Variants in DIPK1A observed in about 807,000 individuals in gnomAD.
DIPK1A encodes the protein divergent protein kinase domain 1A.
In DIPK1A, 27 loss-of-function variants were observed where a neutral mutation model predicts 40.8. The ratio of observed to expected loss-of-function variants is 0.66; its 90% CI spans 0.49 to 0.91. The LOEUF (loss-of-function observed/expected upper bound fraction) is 0.91. Ranked by LOEUF, DIPK1A falls within the 40% of genes least tolerant of loss-of-function variation. The probability of loss-of-function intolerance (pLI) is 0.00; values close to 1 mark genes in which losing one functional copy is unlikely to be tolerated. For missense variants in DIPK1A, 412 were observed against 505.7 expected (o/e 0.81, Z 1.78); for synonymous variants, 166 against 171.3 (o/e 0.97, Z 0.24).
intron 1 of DIPK1A, chr1:92,931,998 A>C (rs1437161052): frequency 2.0e-6 from 1 of 510,978 alleles, no homozygotes; most frequent in South Asian, 1.7e-5. Flanking sequence ...ACATATTTGC[A>C]ATAAAATCTT....
intron 1 of DIPK1A, among the ~76,000 whole-genome samples, chr1:92,948,796 T>C (rs1651505498): frequency 1.4e-5 from 2 of 146,564 alleles, no homozygotes; most frequent in South Asian, 2.1e-4. Context: ...TATATGTGTG[T>C]GTATATATAT....
Position 92,876,594 on chromosome 1 carries a change from C to T in DIPK1A, c.55-164G>A, listed in dbSNP as rs1338686586. ...GCACTTTCACTGAGTCCAAACAGCA[C>T]TGGTCTTAGAAAAGGAAGCTCCTTG... On this transcript the variant is annotated intron_variant, in intron 1 of 4. Coordinates refer to ENST00000370310, the MANE Select transcript of DIPK1A (RefSeq NM_001006605.5). 9.1e-6 allele frequency: 6 copies of T among 658,824 alleles called. No homozygotes were observed. The African/African-American group carries it at 1.1e-4, about 12-fold the overall frequency. 40.8% of individuals were successfully genotyped at this position (658,824 alleles called of 1,614,324 possible).
chr1:92,916,603 A>G (rs888415949), intron 1 of DIPK1A, among the ~76,000 whole-genome samples: 4 of 152,024 alleles, frequency 2.6e-5, no homozygotes, highest in African/African-American at 9.7e-5. Context: ...CACCCGGCCA[A>G]TCCATCTTTT....
intron 1 of DIPK1A, among the ~76,000 whole-genome samples, chr1:92,935,965 AC>A (rs1298248764): frequency 6.6e-6 from 1 of 152,068 alleles, no homozygotes; most frequent in Non-Finnish European, 1.5e-5. Context: ...GGTGGCTGGA[AC>A]AGCTACTCAG....
At chr1:92,925,737 A>C (rs1159368919) in intron 1 of DIPK1A, among the ~76,000 whole-genome samples, 1 of 151,694 alleles carries the variant, frequency 6.6e-6, no homozygotes, top group African/African-American at 2.4e-5. Context: ...CTTGTGATCC[A>C]CCCTCCTCAG....
At chr1:92,841,705 A>C, downstream of DIPK1A, 2 of 1,037,380 alleles carry the variant, frequency 1.9e-6, no homozygotes, top group South Asian at 4.0e-5. Flanking sequence ...TAAAATTTTA[A>C]ATTAAATATT....
chr1:92,841,999 G>GC, downstream of DIPK1A: 1 of 840,328 alleles, frequency 1.2e-6, no homozygotes, highest in Middle Eastern at 3.7e-4. Context: ...CAAAGGAGTT[G>GC]ACAGGTTTTT....
At chr1:92,852,514 A>C (rs1452828505) in intron 2 of DIPK1A, among the ~76,000 whole-genome samples, 1 of 152,128 alleles carries the variant, frequency 6.6e-6, no homozygotes, top group Non-Finnish European at 1.5e-5. Flanking sequence ...AAAAAAGAAA[A>C]AAATTTCTAG....
At chr1:92,860,028 T>C (rs191692246) in intron 2 of DIPK1A, among the ~76,000 whole-genome samples, 79 of 152,256 alleles carry the variant, frequency 5.2e-4, no homozygotes, top group African/African-American at 1.7e-3. Flanking sequence ...GCATGATAAA[T>C]GGATGGATAA....
chr1:92,920,885 AT>A (rs1650243675), intron 1 of DIPK1A, among the ~76,000 whole-genome samples: 1 of 152,186 alleles, frequency 6.6e-6, no homozygotes, highest in African/African-American at 2.4e-5. Context: ...GTATCAGAGC[AT>A]GGGGGTGGCA....
At chr1:92,874,704 T>A (rs1557464049) in intron 2 of DIPK1A, among the ~76,000 whole-genome samples, 1 of 152,140 alleles carries the variant, frequency 6.6e-6, no homozygotes, top group African/African-American at 2.4e-5. Flanking sequence ...TTTTGTGGGG[T>A]TTTATTAGCT....
At chr1:92,955,056 A>C (rs1651795030) in intron 1 of DIPK1A, among the ~76,000 whole-genome samples, 1 of 152,250 alleles carries the variant, frequency 6.6e-6, no homozygotes, top group African/African-American at 2.4e-5. Flanking sequence ...ACGTAAATGC[A>C]TATTACTAAG....
intron 4 of DIPK1A, among the ~76,000 whole-genome samples, chr1:92,846,811 A>ATG (rs1450992855): frequency 3.1e-4 from 1 of 3,200 alleles, no homozygotes; most frequent in East Asian, 0.083. Flanking sequence ...ATATATATAT[A>ATG]TATATATATA....
At chr1:92,941,268 G>C (rs1651141304) in intron 1 of DIPK1A, among the ~76,000 whole-genome samples, 1 of 152,140 alleles carries the variant, frequency 6.6e-6, no homozygotes, top group African/African-American at 2.4e-5. Flanking sequence ...ATAACTTTAA[G>C]TGGTGAGAAA....
At chr1:92,838,237 GAC>G (rs1353866227), downstream of DIPK1A, among the ~76,000 whole-genome samples, 1 of 152,192 alleles carries the variant, frequency 6.6e-6, no homozygotes, top group African/African-American at 2.4e-5. Flanking sequence ...CTATGCTTTG[GAC>G]ACAGTGTAAA....
At chr1:92,853,313 C>A (rs1222760183) in intron 2 of DIPK1A, among the ~76,000 whole-genome samples, 1 of 152,164 alleles carries the variant, frequency 6.6e-6, no homozygotes, top group African/African-American at 2.4e-5. Context: ...AAAGGACATA[C>A]AATGAATGTC....
At chr1:92,863,889 T>C (rs1332675643) in intron 2 of DIPK1A, among the ~76,000 whole-genome samples, 1 of 152,058 alleles carries the variant, frequency 6.6e-6, no homozygotes, top group East Asian at 1.9e-4. Context: ...ACCCCGTCTC[T>C]ACTAAAAATA....
intron 1 of DIPK1A, among the ~76,000 whole-genome samples, chr1:92,948,057 T>C (rs899913466): frequency 6.6e-6 from 1 of 152,256 alleles, no homozygotes; most frequent in Non-Finnish European, 1.5e-5. Flanking sequence ...ATTTTGTATG[T>C]TCCCAGTTTA....
intron 1 of DIPK1A, chr1:92,931,452 G>A: frequency 5.3e-6 from 1 of 187,332 alleles, no homozygotes; most frequent in South Asian, 1.0e-4. Flanking sequence ...AGAAGGCCAG[G>A]TGCGGTGGCT....
Sources: allele counts gnomAD v4.1 joint callset (sites outside exome capture counted in the v4.1 genomes callset), GRCh38; gene constraint gnomAD v4.1.1; transcripts MANE v1.5; gene names NCBI Gene and HGNC (gene_info 2026-07-23, HGNC 2026-07-21).